CRISP2: variants seen among roughly 807,000 people sequenced by gnomAD.
The protein encoded by CRISP2 is cysteine rich secretory protein 2.
A neutral mutation model predicts 31.7 loss-of-function variants in CRISP2; 29 were observed. The ratio of observed to expected loss-of-function variants is 0.92; its 90% CI spans 0.68 to 1.25. CRISP2 has a LOEUF of 1.25. Ranked by LOEUF, CRISP2 falls within the 50% of genes most tolerant of loss-of-function variation. The probability of loss-of-function intolerance (pLI) is 0.00; values close to 1 mark genes in which losing one functional copy is unlikely to be tolerated. For missense variants in CRISP2, 318 were observed against 286.5 expected, an observed-to-expected ratio of 1.11 and a Z score of -0.79; for synonymous variants, 111 against 101.4, an observed-to-expected ratio of 1.09 and a Z score of -0.57.
chr6:49,692,893 A>G lies in CRISP2; in HGVS notation c.612T>C (p.Ser204=). Residue 204 remains serine (S), a synonymous_variant, in exon 10 of 10, where the codon AGT becomes AGC. Transcript: ENST00000339139. ...DDCDKGLCTN[S]CQYQDLLSNC... is the part of the protein sequence containing the mutation. ...TACTTAGGAGATCTTGATACTGGCA[A>G]CTATTGGCTGTAACAAAAACAGATT... The G allele has an allele frequency of 3.7e-6, 6 of 1,613,482 alleles. No individual in the cohort carries two copies. The highest frequency in any genetic ancestry group is 5.1e-6 in the Non-Finnish European group (6 of 1,179,528).
chr6:49,697,695 C>G, intron 8 of CRISP2, 165 bp downstream of exon 8: 4 of 1,514,716 alleles, frequency 2.6e-6, no homozygotes, highest in Non-Finnish European at 3.6e-6. Context: ...AGAAGTTGTT[C>G]TCCTCTGAGA....
chr6:49,711,995 C>T (rs1039868831), intron 2 of CRISP2, among the ~76,000 whole-genome samples: 1 of 152,188 alleles, frequency 6.6e-6, no homozygotes, highest in Non-Finnish European at 1.5e-5. Flanking sequence ...TTTCTATAAA[C>T]ATATGCTGTT....
the CRISP2 span, among the ~76,000 whole-genome samples, chr6:49,681,266 C>T: frequency 1.3e-5 from 2 of 152,056 alleles, no homozygotes; most frequent in African/African-American, 4.8e-5. Context: ...TTCCCCATTG[C>T]TTGTTTTTGT....
At chr6:49,678,743 C>G in the CRISP2 span, among the ~76,000 whole-genome samples, 3 of 152,256 alleles carry the variant, frequency 2.0e-5, no homozygotes. Flanking sequence ...GCAGGAGCAG[C>G]ATCAAGTTGA....
chr6:49,714,074 G>C (rs900770506), upstream of CRISP2, among the ~76,000 whole-genome samples: 2 of 152,104 alleles, frequency 1.3e-5, no homozygotes, highest in Admixed American at 6.5e-5. Flanking sequence ...AGAGTAACAG[G>C]AACAACTCTT....
At chr6:49,687,906 C>A (rs570734184), downstream of CRISP2, among the ~76,000 whole-genome samples, 5 of 152,250 alleles carry the variant, frequency 3.3e-5, no homozygotes, top group Non-Finnish European at 7.4e-5. Flanking sequence ...GCAGCAGAGG[C>A]CTGGGATCTA....
downstream of CRISP2, among the ~76,000 whole-genome samples, chr6:49,690,259 T>C (rs1299701579): frequency 6.6e-6 from 1 of 152,064 alleles, no homozygotes. Flanking sequence ...CTGCAAGCCA[T>C]AGGAATAAAT....
At chr6:49,690,221 A>C (rs1368998484), downstream of CRISP2, among the ~76,000 whole-genome samples, 5 of 152,150 alleles carry the variant, frequency 3.3e-5, no homozygotes, top group African/African-American at 1.2e-4. Flanking sequence ...ATGATAGCCT[A>C]CCATATGTAC....
At chr6:49,709,680 G>A (rs1242367939) in intron 3 of CRISP2, among the ~76,000 whole-genome samples, 1 of 152,180 alleles carries the variant, frequency 6.6e-6, no homozygotes, top group African/African-American at 2.4e-5. Flanking sequence ...AAGATGACAA[G>A]GTTGTGATTA....
At chr6:49,698,268 T>C (rs910894294) in intron 7 of CRISP2, 94 bp downstream of exon 7, 14 of 1,402,646 alleles carry the variant, frequency 1.0e-5, no homozygotes, top group Admixed American at 2.0e-5. Flanking sequence ...CTCGGACTGT[T>C]CTCCTAAATT....
At chr6:49,707,698 A>T (rs1436793952) in intron 4 of CRISP2, among the ~76,000 whole-genome samples, 1 of 152,220 alleles carries the variant, frequency 6.6e-6, no homozygotes, top group Non-Finnish European at 1.5e-5. Flanking sequence ...TGAAGTTTGA[A>T]CTGAGTGTCA....
At chr6:49,689,903 G>C (rs1417018882), downstream of CRISP2, among the ~76,000 whole-genome samples, 2 of 151,742 alleles carry the variant, frequency 1.3e-5, no homozygotes. Flanking sequence ...ACAGTGGGAG[G>C]GTTTTCAAAG....
downstream of CRISP2, among the ~76,000 whole-genome samples, chr6:49,689,590 T>A (rs1763986061): frequency 6.6e-6 from 1 of 152,114 alleles, no homozygotes; most frequent in African/African-American, 2.4e-5. Flanking sequence ...GGTATAAAAA[T>A]TTCTTTTTTA....
In CRISP2 at chr6:49,697,900, C is replaced by T. The variant is rs745911383; in HGVS notation, c.475G>A (p.Asp159Asn). The change falls in exon 8 of 10, where the codon GAT (aspartate) becomes AAT (asparagine). Residue 159 changes from aspartate (D) to asparagine (N), a missense_variant. Coordinates refer to ENST00000339139, the MANE Select transcript of CRISP2 (RefSeq NM_003296.4). ...CAAACATAGTAGTATTTTAGACTAT[C>T]TTGATTGGGACAGTAGGCAATTCCA... Reference protein sequence around the residue: ...GCGIAYCPNQDSLKYYYVCQY... With the variant: ...GCGIAYCPNQNSLKYYYVCQY... 21 of 1,611,960 alleles carry T rather than the reference C, an allele frequency of 1.3e-5. No homozygotes were observed. The highest frequency in any genetic ancestry group is 6.6e-5 in the South Asian group (6 of 90,666).
the CRISP2 span, among the ~76,000 whole-genome samples, chr6:49,680,630 G>A: frequency 2.0e-5 from 3 of 152,132 alleles, no homozygotes; most frequent in Non-Finnish European, 4.4e-5. Context: ...CAGTGTATAA[G>A]CATTCCTTTT....
At chr6:49,689,232 C>T (rs1332686078), downstream of CRISP2, among the ~76,000 whole-genome samples, 2 of 152,256 alleles carry the variant, frequency 1.3e-5, no homozygotes, top group African/African-American at 4.8e-5. Flanking sequence ...AACCACCACA[C>T]ATATTTAGAC....
intron 4 of CRISP2, among the ~76,000 whole-genome samples, chr6:49,703,663 G>C (rs2127419703): frequency 6.6e-6 from 1 of 152,240 alleles, no homozygotes; most frequent in East Asian, 1.9e-4. Context: ...TGTGTACATT[G>C]ATGGCTAAAG....
chr6:49,679,925 C>T, the CRISP2 span, among the ~76,000 whole-genome samples: 2 of 152,012 alleles, frequency 1.3e-5, no homozygotes, highest in East Asian at 3.9e-4. Flanking sequence ...AGGTTGGTCT[C>T]GAACTCCTGA....
At chr6:49,701,752 T>C (rs146769013) in intron 4 of CRISP2, among the ~76,000 whole-genome samples, 1,919 of 104,782 alleles carry the variant, frequency 0.018, 119 homozygotes, top group African/African-American at 0.071. Context: ...GGTATATATA[T>C]AATGTATACA....
Sources: gnomAD v4.1 joint callset for allele counts (sites outside exome capture counted in the v4.1 genomes callset) on GRCh38, gnomAD v4.1.1 for gene constraint, MANE v1.5 for transcripts, NCBI Gene and HGNC (gene_info 2026-07-23, HGNC 2026-07-21) for gene names.